Variants in XKR4 observed in about 807,000 individuals in gnomAD.
XKR4 encodes the protein XK related 4, also known as XK-related protein 4.
XKR4 carries 12 observed loss-of-function variants against 53.9 expected under a neutral mutation model. The ratio of observed to expected loss-of-function variants is 0.22; its 90% CI spans 0.14 to 0.36. The LOEUF (loss-of-function observed/expected upper bound fraction) is 0.36. Ranked by LOEUF, XKR4 falls within the 10% of genes least tolerant of loss-of-function variation. XKR4 has a pLI of 1.00. For missense variants in XKR4, 799 were observed against 859.5 expected, an observed-to-expected ratio of 0.93 and a Z score of 0.88; for synonymous variants, 354 against 362.4, an observed-to-expected ratio of 0.98 and a Z score of 0.26.
intron 1 of XKR4, among the ~76,000 whole-genome samples, chr8:55,240,361 T>C (rs770323196): frequency 6.6e-6 from 1 of 152,234 alleles, no homozygotes; most frequent in Non-Finnish European, 1.5e-5. Context: ...TTCTAAGATA[T>C]ATAGTCCATG....
chr8:55,159,818 G>T (rs57096960), intron 1 of XKR4, among the ~76,000 whole-genome samples: 11,547 of 152,250 alleles, frequency 0.076, 862 homozygotes, highest in African/African-American at 0.2. Context: ...AAAAGGACTA[G>T]CTAGAGATAC....
chr8:55,377,074 G>T (rs560895627), intron 2 of XKR4, among the ~76,000 whole-genome samples: 2 of 152,224 alleles, frequency 1.3e-5, no homozygotes, highest in South Asian at 4.1e-4. Context: ...AATGCCTGAT[G>T]ACAATGGCAC....
intron 1 of XKR4, among the ~76,000 whole-genome samples, chr8:55,259,299 C>T (rs1319483968): frequency 1.3e-5 from 2 of 152,160 alleles, no homozygotes; most frequent in Admixed American, 6.5e-5. Flanking sequence ...GGTGAAATTA[C>T]CTAGTTTGAT....
chr8:55,484,498 G>A (rs1020402806), intron 2 of XKR4, among the ~76,000 whole-genome samples: 3 of 152,164 alleles, frequency 2.0e-5, no homozygotes, highest in Non-Finnish European at 4.4e-5. Flanking sequence ...TTGTACTAAG[G>A]ATACAGTCTG....
At chr8:55,506,401 A>G (rs187959725) in intron 2 of XKR4, among the ~76,000 whole-genome samples, 2 of 152,320 alleles carry the variant, frequency 1.3e-5, no homozygotes, top group East Asian at 3.9e-4. Flanking sequence ...TCAGGCACAC[A>G]CTATAGACCT....
chr8:55,541,291 T>G lies in XKR4; in HGVS notation c.*17064T>G, dbSNP rs1441763192. On this transcript the variant is annotated 3_prime_UTR_variant, in exon 3 of 3. Transcript: ENST00000327381. Reference sequence around the variant, plus strand: ...AATTTTGTTTGTTTGTTTCTAAGGTTGGTTTTGGGTAAAATCCTCATTTCC... The same window carrying G: ...AATTTTGTTTGTTTGTTTCTAAGGTGGGTTTTGGGTAAAATCCTCATTTCC... 1.3e-5 allele frequency: 2 copies of G among 152,250 alleles called. No individual in the cohort carries two copies. The highest frequency in any genetic ancestry group is 2.4e-5 in the African/African-American group (1 of 41,468). The allele number at this position is 152,250 out of a possible 1,614,324, so 9.4% of individuals were successfully genotyped here. A position where few individuals can be genotyped will look rare whatever the true frequency, so the allele number is the denominator to read the frequency against.
intron 1 of XKR4, among the ~76,000 whole-genome samples, chr8:55,298,678 G>A (rs1819136506): frequency 6.6e-6 from 1 of 152,122 alleles, no homozygotes; most frequent in South Asian, 2.1e-4. Flanking sequence ...GATATTTGGA[G>A]GGGACAAACG....
chr8:55,223,944 C>T (rs1391903953), intron 1 of XKR4, among the ~76,000 whole-genome samples: 1 of 151,810 alleles, frequency 6.6e-6, no homozygotes, highest in East Asian at 1.9e-4. Context: ...TGCTCACAAG[C>T]AGAAAAGAAA....
At chr8:55,460,021 A>AC (rs1805629656) in intron 2 of XKR4, among the ~76,000 whole-genome samples, 1 of 152,002 alleles carries the variant, frequency 6.6e-6, no homozygotes, top group Non-Finnish European at 1.5e-5. Context: ...GAAAAAAAAA[A>AC]AAACCAAATG....
At chr8:55,287,026 T>G (rs747739269) in intron 1 of XKR4, among the ~76,000 whole-genome samples, 3 of 151,900 alleles carry the variant, frequency 2.0e-5, no homozygotes, top group Non-Finnish European at 4.4e-5. Context: ...GGTTAGAAGC[T>G]CTCTGTTTGG....
chr8:55,152,161 A>G (rs1816848038), intron 1 of XKR4, among the ~76,000 whole-genome samples: 2 of 152,212 alleles, frequency 1.3e-5, no homozygotes, highest in South Asian at 4.1e-4. Flanking sequence ...AAAACTTCCA[A>G]AGAAAAGGGA....
chr8:55,274,371 A>G (rs895368489), intron 1 of XKR4, among the ~76,000 whole-genome samples: 10 of 151,592 alleles, frequency 6.6e-5, no homozygotes, highest in Non-Finnish European at 1.3e-4. Flanking sequence ...CCTTCTCCCT[A>G]TATCCTCATA....
intron 1 of XKR4, among the ~76,000 whole-genome samples, chr8:55,276,676 A>G (rs912802595): frequency 6.6e-6 from 1 of 152,256 alleles, no homozygotes; most frequent in Non-Finnish European, 1.5e-5. Flanking sequence ...ACTGTTTTCC[A>G]AATAAGTGAT....
intron 2 of XKR4, among the ~76,000 whole-genome samples, chr8:55,463,651 A>T (rs1312293743): frequency 2.0e-5 from 3 of 151,906 alleles, no homozygotes; most frequent in Non-Finnish European, 2.9e-5. Context: ...GAAATAGAGA[A>T]ATAAAAAACT....
In XKR4 at chr8:55,501,773, A is replaced by G. The variant is rs1196990362; in HGVS notation, c.1007-21508A>G. 2.0e-5 allele frequency among the ~76,000 whole-genome samples: 3 copies of G among 152,122 alleles called. No homozygotes were observed. In the South Asian group the frequency reaches 6.2e-4, roughly 31 times the overall value. ...TTTCCACTTTTTGGCTATTGTGAGT[A>G]ATGCTGTTATGAACATGGGTGAACA... On this transcript the variant is annotated intron_variant, in intron 2 of 2. Transcript: ENST00000327381.
chr8:55,201,959 G>A (rs868752103), intron 1 of XKR4, among the ~76,000 whole-genome samples: 3 of 152,074 alleles, frequency 2.0e-5, no homozygotes, highest in South Asian at 2.1e-4. Context: ...GTCTTTCTTC[G>A]GTTGCTAAAA....
intron 1 of XKR4, among the ~76,000 whole-genome samples, chr8:55,186,458 A>G (rs1349142974): frequency 6.6e-6 from 1 of 152,124 alleles, no homozygotes; most frequent in African/African-American, 2.4e-5. Context: ...GATCGAGACC[A>G]TCCTGGCTAA....
Position 55,242,688 on chromosome 8 carries a change from C to T in XKR4, c.807-114990C>T, listed in dbSNP as rs139048400. Among the ~76,000 whole-genome samples, 347 of 152,160 alleles carry T rather than the reference C, an allele frequency of 2.3e-3. 1 individual carries two copies. The highest frequency in any genetic ancestry group is 7.8e-3 in the African/African-American group (325 of 41,496). ...GGGCAACAGAAGGGACGTGTGCCCACCCCACAGCGGGATGTTGAGTTAGCC... is the reference window on the plus strand; with the variant it reads ...GGGCAACAGAAGGGACGTGTGCCCATCCCACAGCGGGATGTTGAGTTAGCC... On this transcript the variant is annotated intron_variant, in intron 1 of 2. Coordinates refer to ENST00000327381, the MANE Select transcript of XKR4 (RefSeq NM_052898.2).
chr8:55,405,791 C>T (rs758104712), intron 2 of XKR4, among the ~76,000 whole-genome samples: 9 of 152,194 alleles, frequency 5.9e-5, no homozygotes, highest in Admixed American at 1.3e-4. Flanking sequence ...AGACATTTTA[C>T]AATGATCATT....
Sources: allele counts gnomAD v4.1 joint callset (sites outside exome capture counted in the v4.1 genomes callset), GRCh38; gene constraint gnomAD v4.1.1; transcripts MANE v1.5; gene names NCBI Gene and HGNC (gene_info 2026-07-23, HGNC 2026-07-21).